OCA2: variants seen among roughly 807,000 people sequenced by gnomAD.
The protein encoded by OCA2 is P protein.
A neutral mutation model predicts 100.2 loss-of-function variants in OCA2; 77 were observed. The ratio of observed to expected loss-of-function variants is 0.77; its 90% CI spans 0.64 to 0.93. OCA2 has a LOEUF of 0.93. Among genes scored for constraint, OCA2 ranks in the 40% least tolerant of loss-of-function variants. The pLI is 0.00. For synonymous variants in OCA2, 432 were observed against 439.2 expected, an observed-to-expected ratio of 0.98 and a Z score of 0.21; for missense variants, 1,062 against 1,089.1, an observed-to-expected ratio of 0.98 and a Z score of 0.35.
At chr15:27,733,313 C>T in the OCA2 span, among the ~76,000 whole-genome samples, 4 of 152,324 alleles carry the variant, frequency 2.6e-5, no homozygotes, top group South Asian at 8.3e-4. Context: ...AGACTGCCCA[C>T]ATTTCACCGC....
At chr15:27,857,189 A>C (rs1446031999) in intron 21 of OCA2, among the ~76,000 whole-genome samples, 4 of 152,256 alleles carry the variant, frequency 2.6e-5, no homozygotes, top group Non-Finnish European at 5.9e-5. Flanking sequence ...CTAAAGAGAT[A>C]TAAATTATAA....
intron 23 of OCA2, among the ~76,000 whole-genome samples, chr15:27,790,485 C>T (rs950910470): frequency 6.6e-6 from 1 of 152,106 alleles, no homozygotes; most frequent in Non-Finnish European, 1.5e-5. Context: ...CTGATGCATA[C>T]AAAAACATGA....
chr15:28,011,578 A>G (rs2042240676), intron 9 of OCA2, among the ~76,000 whole-genome samples: 1 of 152,112 alleles, frequency 6.6e-6, no homozygotes, highest in Non-Finnish European at 1.5e-5. Context: ...TATTGCAACT[A>G]AGCAATAAGT....
intron 21 of OCA2, among the ~76,000 whole-genome samples, chr15:27,861,412 G>A (rs2151451848): frequency 6.6e-6 from 1 of 152,302 alleles, no homozygotes; most frequent in Middle Eastern, 3.4e-3. Flanking sequence ...AGGAGAGGTT[G>A]CTGTGGATGG....
chr15:28,081,944 T>G, intron 1 of OCA2, 49 bp from the exon 2 acceptor site: 1 of 1,451,260 alleles, frequency 6.9e-7, no homozygotes, highest in Non-Finnish European at 9.4e-7. Flanking sequence ...ACACTGAGAC[T>G]AACGTTTGCA....
intron 18 of OCA2, among the ~76,000 whole-genome samples, chr15:27,939,911 T>C (rs1236657456): frequency 1.3e-5 from 2 of 152,208 alleles, no homozygotes; most frequent in African/African-American, 4.8e-5. Context: ...TCATTGCAGG[T>C]TTTCCTGTGG....
At chr15:28,096,464 C>G (rs912815931) in intron 1 of OCA2, among the ~76,000 whole-genome samples, 1 of 152,156 alleles carries the variant, frequency 6.6e-6, no homozygotes, top group African/African-American at 2.4e-5. Context: ...TTCCCGGATC[C>G]CAGGGAGGGG....
intron 1 of OCA2, among the ~76,000 whole-genome samples, chr15:28,087,012 A>C (rs770435534): frequency 6.6e-6 from 1 of 152,256 alleles, no homozygotes; most frequent in Non-Finnish European, 1.5e-5. Context: ...TAGCTTAAAA[A>C]GTATTTGACG....
In OCA2 at chr15:27,960,641, G is replaced by A. The variant is rs146928895; in HGVS notation, c.1637-2906C>T. Among the ~76,000 whole-genome samples, 278 of 150,330 alleles carry A rather than the reference G, an allele frequency of 1.8e-3. 3 individuals are homozygous for A. The highest frequency in any genetic ancestry group is 3.4e-3 in the Middle Eastern group (1 of 294). Reference sequence around the variant, plus strand: ...CTATGTATCTATGTATCTATCTCCCGCCTGTAATCCTAGCACTTTGGGAGG... The same window carrying A: ...CTATGTATCTATGTATCTATCTCCCACCTGTAATCCTAGCACTTTGGGAGG... On this transcript the variant is annotated intron_variant, in intron 15 of 23. Transcript: ENST00000354638.
In OCA2 at chr15:27,926,261, A is replaced by G; in HGVS notation, c.1952-7T>C. 1 of 1,613,934 alleles carries G rather than the reference A, an allele frequency of 6.2e-7. No individual in the cohort carries two copies. The highest frequency in any genetic ancestry group is 8.5e-7 in the Non-Finnish European group (1 of 1,179,802). ...CCCAGAATAGCAATCCATCCTGAAA[A>G]TAAGTAAATAGACATAGAGATATAG... is the stretch of plus-strand genomic sequence containing the variant. On this transcript the variant is annotated splice_region_variant and splice_polypyrimidine_tract_variant and intron_variant, in intron 18 of 23. Transcript: ENST00000354638.
chr15:28,017,994 T>C (rs576755680), intron 7 of OCA2, among the ~76,000 whole-genome samples: 47 of 152,092 alleles, frequency 3.1e-4, no homozygotes, highest in African/African-American at 1.0e-3. Context: ...GCTCAGAACG[T>C]AGGCACTGTC....
intron 19 of OCA2, among the ~76,000 whole-genome samples, chr15:27,890,056 A>G (rs1433659948): frequency 6.6e-6 from 1 of 152,236 alleles, no homozygotes; most frequent in Non-Finnish European, 1.5e-5. Flanking sequence ...AATTTCTTAA[A>G]GCTTCTTGAT....
At chr15:27,743,325 T>A in the OCA2 span, among the ~76,000 whole-genome samples, 1 of 152,196 alleles carries the variant, frequency 6.6e-6, no homozygotes, top group Admixed American at 6.5e-5. Context: ...ACAGTGACAC[T>A]CTGCCACACT....
At chr15:27,753,254 A>G (rs1165535975), downstream of OCA2, among the ~76,000 whole-genome samples, 1 of 151,772 alleles carries the variant, frequency 6.6e-6, no homozygotes, top group Non-Finnish European at 1.5e-5. Context: ...CGTCAGAGAA[A>G]GACCACAGAG....
At chr15:27,829,812 C>G (rs2034884020) in intron 23 of OCA2, among the ~76,000 whole-genome samples, 1 of 152,154 alleles carries the variant, frequency 6.6e-6, no homozygotes, top group Non-Finnish European at 1.5e-5. Context: ...TAGATAGTGC[C>G]TGGAAAAAGT....
In OCA2 at chr15:27,948,762, G is replaced by A. The variant is rs141896899; in HGVS notation, c.1951+3022C>T. ...ATTACGGGCATGAGCCACTGTGCCC[G>A]GCCAAACATGAACCATTGATGCACA... is the stretch of plus-strand genomic sequence containing the variant. On this transcript the variant is annotated intron_variant, in intron 18 of 23. Coordinates refer to ENST00000354638, the MANE Select transcript of OCA2 (RefSeq NM_000275.3). 4.6e-3 allele frequency among the ~76,000 whole-genome samples: 695 copies of A among 152,248 alleles called. 8 individuals are homozygous for A. Among genetic ancestry groups the A allele is most frequent in the African/African-American group, 0.016 (651 of 41,552 alleles).
downstream of OCA2, among the ~76,000 whole-genome samples, chr15:27,754,189 T>C (rs1013855748): frequency 1.3e-5 from 2 of 152,164 alleles, no homozygotes; most frequent in Admixed American, 1.3e-4. Flanking sequence ...AGCTTTGCTG[T>C]CAAGGAATTC....
In OCA2 at chr15:27,983,434, C is replaced by A. The variant is rs751347619; in HGVS notation, c.1414G>T (p.Val472Leu). The change falls in exon 14 of 24, where the codon GTG (valine) becomes TTG (leucine). Residue 472 changes from valine (V) to leucine (L), a missense_variant. Transcript: ENST00000354638. ...LDPRQVLIAE[V>L]IFTNIGGAAT... is the part of the protein sequence containing the mutation. The stretch of plus-strand genomic sequence containing the variant: ...GCTCCTCCAATGTTTGTGAAGATCA[C>A]TTCTGCAATCAGGACTTGTCTTGGA... 5 of 1,614,218 alleles carry A rather than the reference C, an allele frequency of 3.1e-6. No individual in the cohort carries two copies. The highest frequency in any genetic ancestry group is 4.2e-6 in the Non-Finnish European group (5 of 1,180,040).
chr15:27,899,656 T>C (rs543762302), intron 19 of OCA2, among the ~76,000 whole-genome samples: 1 of 152,176 alleles, frequency 6.6e-6, no homozygotes, highest in South Asian at 2.1e-4. Context: ...ACACCAGAAC[T>C]CACTGGTCGT....
Sources: allele counts gnomAD v4.1 joint callset (sites outside exome capture counted in the v4.1 genomes callset), GRCh38; gene constraint gnomAD v4.1.1; transcripts MANE v1.5; gene names NCBI Gene and HGNC (gene_info 2026-07-23, HGNC 2026-07-21).